LYRM4: variants seen among roughly 807,000 people sequenced by gnomAD.
The protein encoded by LYRM4 is LYR motif-containing protein 4.
Under a neutral mutation model 11.7 loss-of-function variants are expected in LYRM4, and 9 were observed. That is an observed-to-expected ratio of 0.77 (90% CI 0.46 to 1.34). The LOEUF (loss-of-function observed/expected upper bound fraction) is 1.34, where lower values mean the gene tolerates loss of function less well. Ranked by LOEUF, LYRM4 falls within the 40% of genes most tolerant of loss-of-function variation. The probability of loss-of-function intolerance (pLI) is 0.00; values close to 1 mark genes in which losing one functional copy is unlikely to be tolerated. For missense variants in LYRM4, 133 were observed against 112.5 expected (o/e 1.18, Z -0.82); for synonymous variants, 42 against 40.4 (o/e 1.04, Z -0.15).
intron 1 of LYRM4, among the ~76,000 whole-genome samples, chr6:5,225,247 C>CT (rs1762813885): frequency 2.6e-5 from 2 of 77,018 alleles, no homozygotes; most frequent in Non-Finnish European, 4.9e-5. Flanking sequence ...GACTCCGAAT[C>CT]AAAAAAAAAA....
At chr6:5,213,627 C>T (rs570642857) in intron 2 of LYRM4, among the ~76,000 whole-genome samples, 23 of 152,234 alleles carry the variant, frequency 1.5e-4, no homozygotes, top group African/African-American at 4.6e-4. Context: ...TAATATGTCA[C>T]GATCCCCATC....
At chr6:5,074,379 G>A in the LYRM4 span, among the ~76,000 whole-genome samples, 79 of 148,910 alleles carry the variant, frequency 5.3e-4, no homozygotes, top group Non-Finnish European at 6.4e-4. Context: ...TAATGAGATG[G>A]GGAGAGAAGC....
At chr6:5,184,451 C>T (rs1448753452) in intron 2 of LYRM4, among the ~76,000 whole-genome samples, 1 of 152,148 alleles carries the variant, frequency 6.6e-6, no homozygotes, top group Admixed American at 6.5e-5. Context: ...TTAATAAGCA[C>T]ATAGCCATAA....
chr6:5,151,176 TG>T (rs1288004066), intron 2 of LYRM4, among the ~76,000 whole-genome samples: 1 of 151,204 alleles, frequency 6.6e-6, no homozygotes, highest in Non-Finnish European at 1.5e-5. Flanking sequence ...CTCCGCCTCC[TG>T]GGTTCAAGGG....
chr6:5,063,752 A>G, the LYRM4 span, among the ~76,000 whole-genome samples: 3 of 152,200 alleles, frequency 2.0e-5, no homozygotes, highest in Non-Finnish European at 4.4e-5. Flanking sequence ...GAGCAGACTC[A>G]GCCTTCATCC....
At chr6:5,094,391 G>A in the LYRM4 span, among the ~76,000 whole-genome samples, 1 of 152,228 alleles carries the variant, frequency 6.6e-6, no homozygotes, top group Non-Finnish European at 1.5e-5. Context: ...GGCTTAGGTA[G>A]GAGGATCGCT....
chr6:5,083,968 C>G, the LYRM4 span, among the ~76,000 whole-genome samples: 12 of 152,214 alleles, frequency 7.9e-5, no homozygotes, highest in Non-Finnish European at 1.6e-4. Context: ...CCCAAGCCCA[C>G]TGAGTCACAA....
rs892604914 is a variant in LYRM4 at position 5,258,818 on chromosome 6, C to T, written c.86+1830G>A. 2.6e-5 allele frequency among the ~76,000 whole-genome samples: 4 copies of T among 152,106 alleles called. No individual in the cohort carries two copies. The East Asian group carries it at 7.7e-4, about 29-fold the overall frequency. ...GAATGCATATGATCTTACAGTTGCC[C>T]ATACTGAAACCCATTTTCAATTTTC... On this transcript the variant is annotated intron_variant, in intron 1 of 2. Coordinates refer to ENST00000330636, the MANE Select transcript of LYRM4 (RefSeq NM_020408.6).
At chr6:5,060,686 C>T in the LYRM4 span, among the ~76,000 whole-genome samples, 6 of 152,114 alleles carry the variant, frequency 3.9e-5, no homozygotes, top group Admixed American at 1.3e-4. Flanking sequence ...CGCCATCACA[C>T]CTGGGTAATT....
At chr6:5,161,037 T>C (rs566364897) in intron 2 of LYRM4, among the ~76,000 whole-genome samples, 7 of 152,324 alleles carry the variant, frequency 4.6e-5, no homozygotes, top group Non-Finnish European at 1.0e-4. Flanking sequence ...TTCCAAACTA[T>C]GGAAAATGCT....
the LYRM4 span, among the ~76,000 whole-genome samples, chr6:5,079,990 T>C: frequency 5.3e-5 from 8 of 152,364 alleles, no homozygotes; most frequent in East Asian, 1.5e-3. Context: ...CATAGTGGTA[T>C]TGAACTCTGG....
At chr6:5,193,174 CA>C (rs1259627010) in intron 2 of LYRM4, among the ~76,000 whole-genome samples, 3 of 152,032 alleles carry the variant, frequency 2.0e-5, no homozygotes, top group Non-Finnish European at 4.4e-5. Flanking sequence ...TGACAAACAA[CA>C]AAAGTAACAA....
chr6:5,253,639 G>A (rs1056357264), intron 1 of LYRM4, among the ~76,000 whole-genome samples: 2 of 152,240 alleles, frequency 1.3e-5, no homozygotes, highest in African/African-American at 2.4e-5. Flanking sequence ...GGAGACGAGA[G>A]CCTTGAAGAT....
intron 2 of LYRM4, among the ~76,000 whole-genome samples, chr6:5,205,663 A>C (rs1011080424): frequency 5.3e-5 from 8 of 152,244 alleles, no homozygotes; most frequent in African/African-American, 1.9e-4. Context: ...TTATTTTTTA[A>C]AAAACAAAAC....
the LYRM4 span, among the ~76,000 whole-genome samples, chr6:5,047,913 G>C: frequency 6.6e-6 from 1 of 152,294 alleles, no homozygotes; most frequent in South Asian, 2.1e-4. Context: ...GGGTTATGAG[G>C]AAGGGTTCCC....
At chr6:5,067,389 A>G in the LYRM4 span, among the ~76,000 whole-genome samples, 4 of 152,216 alleles carry the variant, frequency 2.6e-5, no homozygotes, top group African/African-American at 4.8e-5. Context: ...TGAGTATGTC[A>G]GCCAGGGCTA....
At chr6:5,160,570 G>C (rs1758695394) in intron 2 of LYRM4, among the ~76,000 whole-genome samples, 1 of 151,988 alleles carries the variant, frequency 6.6e-6, no homozygotes, top group South Asian at 2.1e-4. Context: ...TTTTAAAGGA[G>C]TTCCCCTGCA....
chr6:5,092,080 C>G, the LYRM4 span, among the ~76,000 whole-genome samples: 10 of 152,318 alleles, frequency 6.6e-5, no homozygotes, highest in East Asian at 1.7e-3. Context: ...ATTTCATGAA[C>G]TAAGCTTGAA....
At chr6:5,147,404 A>G (rs910886654) in intron 2 of LYRM4, among the ~76,000 whole-genome samples, 11 of 152,238 alleles carry the variant, frequency 7.2e-5, no homozygotes, top group African/African-American at 2.7e-4. Context: ...TAATTAGGCT[A>G]CCAGTAAACA....
Sources: allele counts gnomAD v4.1 joint callset (sites outside exome capture counted in the v4.1 genomes callset), GRCh38; gene constraint gnomAD v4.1.1; transcripts MANE v1.5; gene names NCBI Gene and HGNC (gene_info 2026-07-23, HGNC 2026-07-21).